The following GRIN2B variants were observed in gnomAD, a reference collection of about 807,000 sequenced individuals.
GRIN2B encodes the protein glutamate receptor ionotropic, NMDA 2B.
Under a neutral mutation model 114.5 loss-of-function variants are expected in GRIN2B, and 5 were observed. The ratio of observed to expected loss-of-function variants is 0.04; its 90% CI spans 0.02 to 0.09. The LOEUF is 0.09. Ranked by LOEUF, GRIN2B falls within the 10% of genes least tolerant of loss-of-function variation. GRIN2B has a pLI of 1.00. For missense variants in GRIN2B, 1,108 were observed against 1,943.5 expected (o/e 0.57, Z 8.08); for synonymous variants, 787 against 745.1 (o/e 1.06, Z -0.92).
chr12:13,914,545 C>T (rs1866678893), intron 2 of GRIN2B, among the ~76,000 whole-genome samples: 1 of 152,150 alleles, frequency 6.6e-6, no homozygotes. Flanking sequence ...AGAACTACCA[C>T]ATGACCCAGG....
At chr12:13,950,367 C>G (rs1057008671) in intron 2 of GRIN2B, among the ~76,000 whole-genome samples, 1 of 152,296 alleles carries the variant, frequency 6.6e-6, no homozygotes, top group East Asian at 1.9e-4. Flanking sequence ...GATTTACATG[C>G]CTTCAAATCC....
At chr12:13,812,930 ATTT>A (rs34773248) in intron 3 of GRIN2B, among the ~76,000 whole-genome samples, 4 of 118,372 alleles carry the variant, frequency 3.4e-5, no homozygotes, top group African/African-American at 3.3e-5. Context: ...AGTTTTGGGA[ATTT>A]TTTTTTTTTT....
chr12:13,762,003 T>C (rs1462832747), intron 3 of GRIN2B, among the ~76,000 whole-genome samples: 2 of 152,064 alleles, frequency 1.3e-5, no homozygotes. Flanking sequence ...AAAGGGAAGA[T>C]GAATCTTTTT....
intron 10 of GRIN2B, among the ~76,000 whole-genome samples, chr12:13,591,165 A>G (rs796254796): frequency 2.0e-5 from 3 of 152,188 alleles, no homozygotes; most frequent in African/African-American, 7.2e-5. Flanking sequence ...TCCCTCCACC[A>G]GCCCTCCTAC....
At chr12:13,934,165 T>C (rs1867087362) in intron 2 of GRIN2B, among the ~76,000 whole-genome samples, 1 of 152,210 alleles carries the variant, frequency 6.6e-6, no homozygotes, top group African/African-American at 2.4e-5. Flanking sequence ...TTTCAGTGAC[T>C]CTCACAGACT....
intron 4 of GRIN2B, among the ~76,000 whole-genome samples, chr12:13,677,082 GC>G (rs1216839847): frequency 6.6e-6 from 1 of 152,140 alleles, no homozygotes; most frequent in Non-Finnish European, 1.5e-5. Context: ...CTGCATTAGT[GC>G]AACTGCACTG....
At chr12:13,744,545 A>T (rs1863341725) in intron 4 of GRIN2B, among the ~76,000 whole-genome samples, 1 of 152,194 alleles carries the variant, frequency 6.6e-6, no homozygotes, top group African/African-American at 2.4e-5. Context: ...AGATCAATGA[A>T]CAAAACACCC....
intron 4 of GRIN2B, among the ~76,000 whole-genome samples, chr12:13,703,164 A>G (rs938499906): frequency 4.6e-5 from 7 of 152,144 alleles, no homozygotes; most frequent in African/African-American, 1.4e-4. Flanking sequence ...GGTTTTTAGA[A>G]AAAGATTGTA....
chr12:13,824,322 TA>T (rs1285631358), intron 3 of GRIN2B, among the ~76,000 whole-genome samples: 1 of 152,240 alleles, frequency 6.6e-6, no homozygotes. Flanking sequence ...AATGACTTAT[TA>T]TTTTTTTCTT....
intron 3 of GRIN2B, among the ~76,000 whole-genome samples, chr12:13,836,713 C>G (rs1005128120): frequency 6.6e-5 from 10 of 152,264 alleles, no homozygotes; most frequent in African/African-American, 2.4e-4. Context: ...TGCCTTTCCC[C>G]TTTTCTCTTC....
intron 5 of GRIN2B, among the ~76,000 whole-genome samples, chr12:13,664,413 C>T (rs1279025606): frequency 6.6e-6 from 1 of 152,096 alleles, no homozygotes; most frequent in Non-Finnish European, 1.5e-5. Context: ...TGTATACCAC[C>T]TATACTAATT....
chr12:13,825,026 T>G (rs1339002548), intron 3 of GRIN2B, among the ~76,000 whole-genome samples: 1 of 152,132 alleles, frequency 6.6e-6, no homozygotes, highest in Admixed American at 6.5e-5. Flanking sequence ...GATCATTGAT[T>G]GTTTATCTTC....
intron 4 of GRIN2B, among the ~76,000 whole-genome samples, chr12:13,740,729 C>G (rs899816521): frequency 2.0e-5 from 3 of 152,162 alleles, no homozygotes; most frequent in African/African-American, 7.2e-5. Context: ...CGCTTCAGTT[C>G]CAAGGATTTT....
chr12:13,762,905 G>GT (rs1292820606), intron 3 of GRIN2B, among the ~76,000 whole-genome samples: 2 of 150,774 alleles, frequency 1.3e-5, no homozygotes, highest in Non-Finnish European at 3.0e-5. Flanking sequence ...TTTGTTTTTT[G>GT]TTTTTTCCAC....
intron 5 of GRIN2B, among the ~76,000 whole-genome samples, chr12:13,640,513 TC>T (rs981741186): frequency 8.5e-5 from 13 of 152,198 alleles, no homozygotes; most frequent in Admixed American, 2.0e-4. Context: ...TCCAATTCAT[TC>T]CCCCTCTCTA....
rs966420847 is a variant in GRIN2B, at chr12:13,557,198, A to G, written c.*5585T>C. On this transcript the variant is annotated 3_prime_UTR_variant, in exon 14 of 14. Transcript: ENST00000609686. Reference sequence around the variant, plus strand: ...ACAATACTGCAACCCCACCCCCCAAACTAGAATAGAATCCTAGATTCAGAT... The same window carrying G: ...ACAATACTGCAACCCCACCCCCCAAGCTAGAATAGAATCCTAGATTCAGAT... 6 of 152,116 alleles carry G rather than the reference A, an allele frequency of 3.9e-5. No individual in the cohort carries two copies. Among genetic ancestry groups the G allele is most frequent in the African/African-American group, 1.4e-4 (6 of 41,410 alleles). 9.4% of individuals were successfully genotyped at this position (152,116 alleles called of 1,614,324 possible).
chr12:13,762,535 T>G (rs1302764296), intron 3 of GRIN2B, among the ~76,000 whole-genome samples: 4 of 152,192 alleles, frequency 2.6e-5, no homozygotes, highest in African/African-American at 9.6e-5. Flanking sequence ...TTCAAACACA[T>G]TTGATCAGAA....
At chr12:13,857,836 G>T (rs926564010) in intron 3 of GRIN2B, among the ~76,000 whole-genome samples, 8 of 152,276 alleles carry the variant, frequency 5.3e-5, no homozygotes, top group African/African-American at 1.9e-4. Context: ...AGGATGTGGG[G>T]AAGACTTCTT....
intron 4 of GRIN2B, among the ~76,000 whole-genome samples, chr12:13,704,785 G>T (rs1950344524): frequency 6.6e-6 from 1 of 152,166 alleles, no homozygotes. Flanking sequence ...GGACTTCTAA[G>T]TCCTTTGCCT....
Sources: gnomAD v4.1 joint callset for allele counts (sites outside exome capture counted in the v4.1 genomes callset) on GRCh38, gnomAD v4.1.1 for gene constraint, MANE v1.5 for transcripts, NCBI Gene and HGNC (gene_info 2026-07-23, HGNC 2026-07-21) for gene names.